Variants in ABCC4 observed in about 807,000 individuals in gnomAD.
ABCC4 encodes the protein ATP binding cassette subfamily C member 4 (PEL blood group), also known as ATP-binding cassette sub-family C member 4.
Under a neutral mutation model 168.5 loss-of-function variants are expected in ABCC4, and 102 were observed. The observed-to-expected ratio is 0.61, with a 90% confidence interval of 0.52 to 0.71. The LOEUF (loss-of-function observed/expected upper bound fraction) is 0.71, where lower values mean the gene tolerates loss of function less well. Among genes scored for constraint, ABCC4 ranks in the 30% least tolerant of loss-of-function variants. The pLI is 0.00. For missense variants in ABCC4, 1,402 were observed against 1,605.8 expected, an observed-to-expected ratio of 0.87 and a Z score of 2.17; for synonymous variants, 617 against 590.7, an observed-to-expected ratio of 1.04 and a Z score of -0.65.
At chr13:95,206,902 G>C (rs2038799085) in intron 7 of ABCC4, 121 bp from the exon 8 acceptor site, 1 of 1,172,344 alleles carries the variant, frequency 8.5e-7, no homozygotes, top group African/African-American at 1.5e-5. Flanking sequence ...AGGAGTTTGA[G>C]ACCATCCTGG....
Position 95,043,738 on chromosome 13 carries a change from T to C in ABCC4, c.3679A>G (p.Thr1227Ala). The C allele has an allele frequency of 6.2e-7, 1 of 1,614,086 alleles. No individual in the cohort carries two copies. Among genetic ancestry groups the C allele is most frequent in the South Asian group, 1.1e-5 (1 of 91,072 alleles). The change falls in exon 29 of 31, where the codon ACC becomes GCC. Residue 1227 changes from threonine (T) to alanine (A), a missense_variant. Physicochemically the swap from Thr to Ala is moderately conservative, Grantham distance 58 (BLOSUM62 0). Transcript: ENST00000645237. ...KKIREKFAHC[T>A]VLTIAHRLNT... ...AATCTGTGTGCAATGGTTAGCACGGTGCAGTGGGCAAATTTCTCCCGGATT... is the reference window on the plus strand; with the variant it reads ...AATCTGTGTGCAATGGTTAGCACGGCGCAGTGGGCAAATTTCTCCCGGATT...
chr13:95,098,865 T>C (rs932729628), intron 20 of ABCC4, among the ~76,000 whole-genome samples: 2 of 152,134 alleles, frequency 1.3e-5, no homozygotes, highest in Admixed American at 6.6e-5. Flanking sequence ...AACAAAAAGA[T>C]TGATCATACT....
chr13:95,118,593 A>C (rs1379422702), intron 19 of ABCC4, among the ~76,000 whole-genome samples: 1 of 152,172 alleles, frequency 6.6e-6, no homozygotes, highest in Non-Finnish European at 1.5e-5. Flanking sequence ...CAGAGCTGTG[A>C]TGTCAAGTTC....
At chr13:95,065,452 T>C (rs1026334463) in intron 25 of ABCC4, among the ~76,000 whole-genome samples, 7 of 152,198 alleles carry the variant, frequency 4.6e-5, no homozygotes, top group African/African-American at 1.7e-4. Flanking sequence ...ATCTCATATA[T>C]TTAGGCAAAA....
At chr13:95,276,280 T>G (rs1339919791) in intron 1 of ABCC4, among the ~76,000 whole-genome samples, 1 of 151,650 alleles carries the variant, frequency 6.6e-6, no homozygotes, top group East Asian at 1.9e-4. Flanking sequence ...CTAGGCATGG[T>G]GGAACACGCC....
chr13:95,234,975 C>T, intron 3 of ABCC4, 141 bp from the exon 4 acceptor site: 3 of 649,884 alleles, frequency 4.6e-6, no homozygotes, highest in East Asian at 2.7e-5. Flanking sequence ...ACAGCAGCCT[C>T]GAACTCCCTA....
intron 19 of ABCC4, among the ~76,000 whole-genome samples, chr13:95,142,796 T>C (rs544274823): frequency 4.9e-4 from 74 of 152,252 alleles, no homozygotes; most frequent in African/African-American, 1.5e-3. Flanking sequence ...AAGACTAAAT[T>C]AGAAGATTTA....
At chr13:95,184,570 CCA>C (rs1256542496) in intron 11 of ABCC4, among the ~76,000 whole-genome samples, 6 of 152,130 alleles carry the variant, frequency 3.9e-5, no homozygotes, top group Admixed American at 1.3e-4. Flanking sequence ...ACTCTTGAAA[CCA>C]CAGTCTTGAA....
rs767645971 is a variant in ABCC4, at chr13:95,234,751, A to C, written c.390T>G (p.Ala130=). The C allele has an allele frequency of 1.2e-6, 2 of 1,614,032 alleles. No homozygotes were observed. Among genetic ancestry groups the C allele is most frequent in the Non-Finnish European group, 1.7e-6 (2 of 1,179,954 alleles). The part of the protein sequence containing the change: ...FENYDPMDSV[A]LNTAYAYATV... ...TGGCATAGGCGTACGCTGTGTTCAA[A>C]GCCACAGAATCCATGGGATCATAAT... The change falls in exon 4 of 31, where the codon GCT becomes GCG. Residue 130 remains alanine, a synonymous_variant. Coordinates refer to ENST00000645237, the MANE Select transcript of ABCC4 (RefSeq NM_005845.5).
At chr13:95,236,065 A>T (rs1408487362) in intron 3 of ABCC4, among the ~76,000 whole-genome samples, 1 of 152,182 alleles carries the variant, frequency 6.6e-6, no homozygotes, top group Non-Finnish European at 1.5e-5. Context: ...AAGGCAAAGA[A>T]ACAGCAGAAC....
chr13:95,204,451 T>C (rs1178588755), intron 8 of ABCC4, among the ~76,000 whole-genome samples: 1 of 152,110 alleles, frequency 6.6e-6, no homozygotes, highest in Non-Finnish European at 1.5e-5. Flanking sequence ...CAGTTTCCCC[T>C]GTGCTGTTCT....
chr13:95,132,418 G>A (rs1043370912), intron 19 of ABCC4, among the ~76,000 whole-genome samples: 4 of 152,070 alleles, frequency 2.6e-5, no homozygotes, highest in African/African-American at 9.7e-5. Flanking sequence ...GTTTCACCAT[G>A]TTGGTCAGGC....
At chr13:95,119,036 G>C (rs2035474113) in intron 19 of ABCC4, among the ~76,000 whole-genome samples, 2 of 152,250 alleles carry the variant, frequency 1.3e-5, no homozygotes, top group Non-Finnish European at 2.9e-5. Context: ...CACATAGTCA[G>C]GTAGCCAGCC....
intron 19 of ABCC4, among the ~76,000 whole-genome samples, chr13:95,156,057 A>G (rs72643621): frequency 0.045 from 6,825 of 152,294 alleles, 217 homozygotes; most frequent in Middle Eastern, 0.13. Context: ...CAAGCAAATC[A>G]TAATGTATGC....
chr13:95,227,483 C>T (rs1237899318), intron 4 of ABCC4, among the ~76,000 whole-genome samples: 2 of 152,120 alleles, frequency 1.3e-5, no homozygotes, highest in African/African-American at 4.8e-5. Context: ...CTAATTTTGT[C>T]AGAAACTTAG....
intron 27 of ABCC4, among the ~76,000 whole-genome samples, 165 bp from the exon 28 acceptor site, chr13:95,044,603 T>C (rs1412591390): frequency 6.6e-6 from 1 of 152,136 alleles, no homozygotes; most frequent in Non-Finnish European, 1.5e-5. Context: ...ATGAGAAAGA[T>C]GGTAGAGTCA....
At chr13:95,102,009 C>T (rs1415092622) in intron 20 of ABCC4, among the ~76,000 whole-genome samples, 2 of 152,188 alleles carry the variant, frequency 1.3e-5, no homozygotes, top group African/African-American at 2.4e-5. Flanking sequence ...GTAGAATTTT[C>T]TCCATTTTAC....
At chr13:95,288,840 T>C (rs531428919) in intron 1 of ABCC4, among the ~76,000 whole-genome samples, 90 of 152,308 alleles carry the variant, frequency 5.9e-4, no homozygotes, top group Non-Finnish European at 1.1e-3. Flanking sequence ...TAATATGTAC[T>C]AGGAACTTAC....
intron 20 of ABCC4, among the ~76,000 whole-genome samples, chr13:95,094,381 T>C (rs746861235): frequency 1.3e-5 from 2 of 151,976 alleles, no homozygotes; most frequent in Non-Finnish European, 2.9e-5. Flanking sequence ...AACCGCCAAC[T>C]GATATTTGAC....
Sources: gnomAD v4.1 joint callset for allele counts (sites outside exome capture counted in the v4.1 genomes callset) on GRCh38, gnomAD v4.1.1 for gene constraint, MANE v1.5 for transcripts, NCBI Gene and HGNC (gene_info 2026-07-23, HGNC 2026-07-21) for gene names.